KCND3: variants seen among roughly 807,000 people sequenced by gnomAD.
KCND3 encodes the protein potassium voltage-gated channel subfamily D member 3.
In KCND3, 9 loss-of-function variants were observed where a neutral mutation model predicts 51.1. The observed-to-expected ratio is 0.18, with a 90% CI of 0.11 to 0.31. The LOEUF (loss-of-function observed/expected upper bound fraction) is 0.31. KCND3 is among the 10% of genes least tolerant of loss of function. The probability of loss-of-function intolerance (pLI) is 1.00; values close to 1 mark genes in which losing one functional copy is unlikely to be tolerated. For missense variants in KCND3, 526 were observed against 903.8 expected, an observed-to-expected ratio of 0.58 and a Z score of 5.36; for synonymous variants, 349 against 368.0, an observed-to-expected ratio of 0.95 and a Z score of 0.59.
chr1:111,801,804 C>T (rs573483322), intron 2 of KCND3, among the ~76,000 whole-genome samples: 2 of 152,358 alleles, frequency 1.3e-5, no homozygotes, highest in South Asian at 4.1e-4. Flanking sequence ...CCATCCTCAT[C>T]CTCCGAGAAC....
At chr1:111,989,070 T>G (rs1675475119) in intron 1 of KCND3, 1 of 152,206 alleles carries the variant, frequency 6.6e-6, no homozygotes, top group South Asian at 2.1e-4. Context: ...CAGCCTCTGG[T>G]AGACACACCG....
intron 2 of KCND3, among the ~76,000 whole-genome samples, chr1:111,858,823 C>T (rs1668208732): frequency 6.6e-6 from 1 of 152,236 alleles, no homozygotes; most frequent in East Asian, 1.9e-4. Context: ...TTGGCCAGTT[C>T]TGCTCTAGAC....
chr1:111,781,024 G>A (rs954733308), intron 3 of KCND3, among the ~76,000 whole-genome samples: 4 of 152,222 alleles, frequency 2.6e-5, no homozygotes, highest in African/African-American at 7.2e-5. Flanking sequence ...CCTGGCAGGA[G>A]AAATATCACT....
chr1:111,816,107 C>T (rs1408087933), intron 2 of KCND3, among the ~76,000 whole-genome samples: 2 of 152,364 alleles, frequency 1.3e-5, no homozygotes, highest in South Asian at 2.1e-4. Context: ...TTCCATGTTA[C>T]AGATGAAGAA....
intron 2 of KCND3, among the ~76,000 whole-genome samples, chr1:111,905,601 T>G (rs1226273529): frequency 3.3e-5 from 5 of 152,216 alleles, no homozygotes; most frequent in African/African-American, 1.2e-4. Flanking sequence ...CTGGAGATTC[T>G]GCTTCCAGAG....
At chr1:111,883,131 G>A (rs1340175575) in intron 2 of KCND3, among the ~76,000 whole-genome samples, 1 of 152,210 alleles carries the variant, frequency 6.6e-6, no homozygotes, top group Non-Finnish European at 1.5e-5. Flanking sequence ...GTTGACAACT[G>A]GTCCATCTGA....
intron 2 of KCND3, among the ~76,000 whole-genome samples, chr1:111,920,872 T>C (rs1671444971): frequency 1.3e-5 from 2 of 152,246 alleles, no homozygotes; most frequent in South Asian, 2.1e-4. Flanking sequence ...ACGGTACCTC[T>C]TACTTTGACT....
chr1:111,885,022 TC>T lies in KCND3; in HGVS notation c.1106+96598del, dbSNP rs575567916. ...GTCAAATGTGACAACCAAAAATGTC[TC>T]CAGACATGGCCGAATGTCCCCTATG... On this transcript the variant is annotated intron_variant, in intron 2 of 7. Transcript: ENST00000302127. Among the ~76,000 whole-genome samples the T allele has an allele frequency of 3.9e-5, 6 of 152,286 alleles. No homozygotes were observed. In the South Asian group the frequency reaches 1.2e-3, roughly 32 times the overall value.
chr1:111,879,342 T>C (rs1306084795), intron 2 of KCND3, among the ~76,000 whole-genome samples: 4 of 152,156 alleles, frequency 2.6e-5, no homozygotes, highest in African/African-American at 9.7e-5. Flanking sequence ...ATGTAACCGG[T>C]GGTTCTGAGT....
intron 2 of KCND3, among the ~76,000 whole-genome samples, chr1:111,845,712 T>C (rs1667516344): frequency 6.6e-6 from 1 of 152,190 alleles, no homozygotes; most frequent in South Asian, 2.1e-4. Flanking sequence ...TTATATCTTA[T>C]TCATAGACAA....
chr1:111,866,263 C>CTTTTTTTTTTTTTTTTTTTT (rs11399761), intron 2 of KCND3, among the ~76,000 whole-genome samples: 4 of 54,220 alleles, frequency 7.4e-5, no homozygotes, highest in Non-Finnish European at 1.6e-4. Flanking sequence ...CTTTTCTTTT[C>CTTTTTTTTTTTTTTTTTTTT]TTTTTTTTTT....
chr1:111,943,341 C>T (rs1191744543), intron 2 of KCND3, among the ~76,000 whole-genome samples: 2 of 151,800 alleles, frequency 1.3e-5, no homozygotes, highest in African/African-American at 4.8e-5. Context: ...CAGCCTCACC[C>T]AGCCTGCAGC....
chr1:111,975,669 A>G (rs990761293), intron 2 of KCND3, among the ~76,000 whole-genome samples: 1 of 152,160 alleles, frequency 6.6e-6, no homozygotes, highest in Admixed American at 6.5e-5. Flanking sequence ...GAGCAAAGAA[A>G]AAGTCCTTGT....
At chr1:111,825,096 A>C (rs954804750) in intron 2 of KCND3, among the ~76,000 whole-genome samples, 2 of 152,226 alleles carry the variant, frequency 1.3e-5, no homozygotes, top group African/African-American at 2.4e-5. Context: ...AAGAAAATTC[A>C]AGAAGAAAAA....
intron 3 of KCND3, among the ~76,000 whole-genome samples, chr1:111,782,094 G>C (rs539074879): frequency 1.5e-4 from 23 of 152,250 alleles, no homozygotes; most frequent in African/African-American, 5.3e-4. Flanking sequence ...TGTGACTTCA[G>C]CATGGACCCT....
chr1:111,968,472 A>G (rs987880252), intron 2 of KCND3, among the ~76,000 whole-genome samples: 1 of 152,258 alleles, frequency 6.6e-6, no homozygotes, highest in Non-Finnish European at 1.5e-5. Flanking sequence ...CAGAAGAGCC[A>G]GCAGAGGAGA....
chr1:111,965,984 C>A (rs1673964407), intron 2 of KCND3, among the ~76,000 whole-genome samples: 1 of 152,104 alleles, frequency 6.6e-6, no homozygotes, highest in Admixed American at 6.5e-5. Flanking sequence ...GCAAGCAGGG[C>A]TTGTTTAGGA....
chr1:111,840,094 T>A (rs761893298), intron 2 of KCND3, among the ~76,000 whole-genome samples: 45 of 152,268 alleles, frequency 3.0e-4, no homozygotes, highest in East Asian at 5.8e-4. Flanking sequence ...CATCCTCACA[T>A]GGTGGAAGGT....
intron 2 of KCND3, among the ~76,000 whole-genome samples, chr1:111,916,579 T>G (rs1041919695): frequency 6.6e-6 from 1 of 151,990 alleles, no homozygotes; most frequent in Non-Finnish European, 1.5e-5. Flanking sequence ...CAGAAGTCAA[T>G]GAACAGAAAG....
Sources: allele counts gnomAD v4.1 joint callset (sites outside exome capture counted in the v4.1 genomes callset), GRCh38; gene constraint gnomAD v4.1.1; transcripts MANE v1.5; gene names NCBI Gene and HGNC (gene_info 2026-07-23, HGNC 2026-07-21).